Variants in FLRT2 observed in about 807,000 individuals in gnomAD.
FLRT2 encodes fibronectin leucine rich transmembrane protein 2.
In FLRT2, 15 loss-of-function variants were observed where a neutral mutation model predicts 40.0. The observed-to-expected ratio is 0.38, with a 90% CI of 0.25 to 0.58. The LOEUF is 0.58. Ranked by LOEUF, FLRT2 falls within the 20% of genes least tolerant of loss-of-function variation. The pLI is 0.71. For missense variants in FLRT2, 726 were observed against 840.0 expected (o/e 0.86, Z 1.68); for synonymous variants, 380 against 336.8 (o/e 1.13, Z -1.41).
chr14:85,609,071 C>G (rs1473160031), intron 1 of FLRT2, among the ~76,000 whole-genome samples: 1 of 152,120 alleles, frequency 6.6e-6, no homozygotes, highest in East Asian at 1.9e-4. Flanking sequence ...ACTGAGGTTC[C>G]GTCCTGAAAC....
chr14:85,566,549 T>TTGTGTGTGTGTGTGTGTGTG (rs61634735), intron 1 of FLRT2, among the ~76,000 whole-genome samples: 3,403 of 130,814 alleles, frequency 0.026, 66 homozygotes, highest in Admixed American at 0.038. Flanking sequence ...ACTTCCATGG[T>TTGTGTGTGTGTGTGTGTGTG]TGTGTGTGTG....
chr14:85,601,576 G>A (rs1892379454), intron 1 of FLRT2, among the ~76,000 whole-genome samples: 2 of 152,126 alleles, frequency 1.3e-5, no homozygotes, highest in Admixed American at 1.3e-4. Flanking sequence ...CACAACTCTG[G>A]AGTCAGAATA....
At position 85,636,805 on chromosome 14, in the gene FLRT2, T is replaced by G. The variant is rs1174102757; in HGVS notation, c.*13308T>G. 6.6e-6 allele frequency: 1 copy of G among 151,596 alleles called. No individual in the cohort carries two copies. Among genetic ancestry groups the G allele is most frequent in the Non-Finnish European group, 1.5e-5 (1 of 67,938 alleles). The allele number at this position is 151,596 out of a possible 1,614,324, so 9.4% of individuals were successfully genotyped here. On this transcript the variant is annotated 3_prime_UTR_variant, in exon 2 of 2. Transcript: ENST00000330753. Reference sequence around the variant, plus strand: ...TTAGCAGGGTATGGTGGCAGGCGCCTGTTATCCCAGCTACTTGGGAGGCTG... The same window carrying G: ...TTAGCAGGGTATGGTGGCAGGCGCCGGTTATCCCAGCTACTTGGGAGGCTG...
chr14:85,566,859 G>T (rs1319537676), intron 1 of FLRT2, among the ~76,000 whole-genome samples: 1 of 151,642 alleles, frequency 6.6e-6, no homozygotes, highest in Non-Finnish European at 1.5e-5. Flanking sequence ...TTGGTCATTT[G>T]TGAATTAGTC....
At position 85,641,554 on chromosome 14, in the gene FLRT2, G is replaced by A. The variant is rs1412867296; in HGVS notation, c.*18057G>A. The A allele has an allele frequency of 2.0e-5, 3 of 152,214 alleles. No homozygotes were observed. Among genetic ancestry groups the A allele is most frequent in the East Asian group, 1.9e-4 (1 of 5,190 alleles). The allele number at this position is 152,214 out of a possible 1,614,324, so 9.4% of individuals were successfully genotyped here. ...TTCTGGATAAGGACTACAGTAGTAC[G>A]TCCTTGGACGCAACAGTTTAAGAGG... On this transcript the variant is annotated 3_prime_UTR_variant, in exon 2 of 2. Transcript: ENST00000330753.
chr14:85,561,271 GA>G (rs1264294890), intron 1 of FLRT2: 3 of 152,174 alleles, frequency 2.0e-5, no homozygotes, highest in African/African-American at 7.2e-5. Flanking sequence ...TATCTGGAGA[GA>G]GGAGAACCAG....
In FLRT2 at chr14:85,643,329, TTCTTTCTTTC is replaced by T. The variant is rs1261372148; in HGVS notation, c.*19834_*19843del. 8.5e-6 allele frequency: 1 copy of T among 116,976 alleles called. No individual in the cohort carries two copies. The highest frequency in any genetic ancestry group is 1.7e-5 in the Non-Finnish European group (1 of 58,378). 7.2% of individuals were successfully genotyped at this position (116,976 alleles called of 1,614,324 possible). A position where few individuals can be genotyped will look rare whatever the true frequency, so the allele number is the denominator to read the frequency against. ...TTTCTTTCTTTCTTTCTTTCTTTCT[TTCTTTCTTTC>T]TTTCTTTCTTTCTTTCTTCCTTCCT... On this transcript the variant is annotated 3_prime_UTR_variant, in exon 2 of 2. Transcript: ENST00000330753.
intron 1 of FLRT2, among the ~76,000 whole-genome samples, chr14:85,606,786 G>A (rs2139343549): frequency 6.6e-6 from 1 of 151,060 alleles, no homozygotes; most frequent in Non-Finnish European, 1.5e-5. Context: ...GCCTCCCAAA[G>A]TGCTGGGATT....
At chr14:85,541,874 A>G (rs1889002820) in intron 1 of FLRT2, among the ~76,000 whole-genome samples, 1 of 152,156 alleles carries the variant, frequency 6.6e-6, no homozygotes, top group African/African-American at 2.4e-5. Context: ...TGCAGCTTCC[A>G]AGGAGTTCCA....
rs907559090 is a variant in FLRT2 at position 85,651,444 on chromosome 14, G to A, written c.*27947G>A. ...CTCTCATCACATTTTGTTTTTGTTT[G>A]TTTGTGCTGTGAATTATTGAGATAA... On this transcript the variant is annotated 3_prime_UTR_variant, in exon 2 of 2. Transcript: ENST00000330753. 6.6e-6 allele frequency: 1 copy of A among 151,876 alleles called. No homozygotes were observed. The highest frequency in any genetic ancestry group is 1.5e-5 in the Non-Finnish European group (1 of 67,924). The allele number at this position is 151,876 out of a possible 1,614,324, so 9.4% of individuals were successfully genotyped here.
rs1893707955 is a variant in FLRT2 at position 85,626,966 on chromosome 14, T to C, written c.*3469T>C. On this transcript the variant is annotated 3_prime_UTR_variant, in exon 2 of 2. Transcript: ENST00000330753. ...GGAGGACAACATCTTCATGCTGTGA[T>C]TGAAGCATCCATTCAGAACACGAGG... 6.0e-6 allele frequency: 1 copy of C among 167,054 alleles called. No homozygotes were observed. The highest frequency in any genetic ancestry group is 2.4e-5 in the African/African-American group (1 of 41,472). 10.3% of individuals were successfully genotyped at this position (167,054 alleles called of 1,614,324 possible). A position where few individuals can be genotyped will look rare whatever the true frequency, so the allele number is the denominator to read the frequency against.
At chr14:85,534,098 AG>A (rs1888487666) in intron 1 of FLRT2, among the ~76,000 whole-genome samples, 2 of 152,104 alleles carry the variant, frequency 1.3e-5, no homozygotes, top group African/African-American at 2.4e-5. Context: ...AGTAAGAGGG[AG>A]GCGAAGTTCA....
chr14:85,593,704 C>A (rs1175554703), intron 1 of FLRT2, among the ~76,000 whole-genome samples: 1 of 152,020 alleles, frequency 6.6e-6, no homozygotes, highest in Non-Finnish European at 1.5e-5. Flanking sequence ...ATTTTTTTCC[C>A]CTTTAATTGA....
intron 1 of FLRT2, among the ~76,000 whole-genome samples, chr14:85,608,474 T>G (rs1892723832): frequency 6.6e-6 from 1 of 152,100 alleles, no homozygotes; most frequent in South Asian, 2.1e-4. Context: ...CCTCTAGTGA[T>G]CCACCCGCCT....
At chr14:85,600,063 A>C (rs1244670833) in intron 1 of FLRT2, among the ~76,000 whole-genome samples, 2 of 152,236 alleles carry the variant, frequency 1.3e-5, no homozygotes, top group East Asian at 3.9e-4. Flanking sequence ...AGTTCAGCTC[A>C]TTTATGGGGG....
chr14:85,612,710 G>A (rs1251588407), intron 1 of FLRT2, among the ~76,000 whole-genome samples: 1 of 152,134 alleles, frequency 6.6e-6, no homozygotes, highest in Admixed American at 6.5e-5. Context: ...AAGATGAGAA[G>A]GCACATTGTA....
At chr14:85,583,028 T>G (rs776535517) in intron 1 of FLRT2, among the ~76,000 whole-genome samples, 4 of 152,092 alleles carry the variant, frequency 2.6e-5, no homozygotes, top group Non-Finnish European at 4.4e-5. Context: ...GAAAGCCATC[T>G]GAAAGAAAAG....
chr14:85,581,769 T>C (rs1327828873), intron 1 of FLRT2, among the ~76,000 whole-genome samples: 1 of 152,160 alleles, frequency 6.6e-6, no homozygotes, highest in Non-Finnish European at 1.5e-5. Context: ...ATGGGGCTTA[T>C]GAGATTGGTG....
At chr14:85,564,174 G>A (rs1890507229) in intron 1 of FLRT2, among the ~76,000 whole-genome samples, 1 of 152,162 alleles carries the variant, frequency 6.6e-6, no homozygotes, top group South Asian at 2.1e-4. Flanking sequence ...TTCTCTGCCT[G>A]TACATAGGGA....
Sources: gnomAD v4.1 joint callset for allele counts (sites outside exome capture counted in the v4.1 genomes callset) on GRCh38, gnomAD v4.1.1 for gene constraint, MANE v1.5 for transcripts, NCBI Gene and HGNC (gene_info 2026-07-23, HGNC 2026-07-21) for gene names.